Variants in RNF115 observed in about 807,000 individuals in gnomAD.
The protein encoded by RNF115 is ring finger protein 115, also known as E3 ubiquitin-protein ligase RNF115.
In RNF115, 31 loss-of-function variants were observed where a neutral mutation model predicts 39.2. That is an observed-to-expected ratio of 0.79 (90% CI 0.59 to 1.07). The LOEUF is 1.07. Ranked by LOEUF, RNF115 falls within the 50% of genes least tolerant of loss-of-function variation. The pLI, the probability that RNF115 is intolerant of heterozygous loss-of-function variation, is 0.00. For synonymous variants in RNF115, 124 were observed against 131.0 expected, an observed-to-expected ratio of 0.95 and a Z score of 0.37; for missense variants, 384 against 381.7, an observed-to-expected ratio of 1.01 and a Z score of -0.05.
intron 4 of RNF115, among the ~76,000 whole-genome samples, chr1:145,759,784 C>T (rs1553713627): frequency 6.6e-6 from 1 of 152,174 alleles, no homozygotes; most frequent in African/African-American, 2.4e-5. Context: ...CCCACCTCCC[C>T]ATTCCCACTC....
intron 1 of RNF115, among the ~76,000 whole-genome samples, chr1:145,797,464 A>G (rs782295111): frequency 6.6e-6 from 1 of 152,224 alleles, no homozygotes; most frequent in Non-Finnish European, 1.5e-5. Context: ...AGGTTCACCC[A>G]CACTGTCGCA....
At chr1:145,785,164 C>A (rs1448769148) in intron 2 of RNF115, among the ~76,000 whole-genome samples, 3 of 152,118 alleles carry the variant, frequency 2.0e-5, no homozygotes, top group African/African-American at 7.2e-5. Flanking sequence ...AAATAAGACT[C>A]TTCCACACCC....
intron 1 of RNF115, among the ~76,000 whole-genome samples, chr1:145,794,907 C>G (rs1648888740): frequency 6.7e-6 from 1 of 149,668 alleles, no homozygotes; most frequent in Admixed American, 6.8e-5. Context: ...GTCCCAGCTA[C>G]TGGGAAGGCT....
chr1:145,802,763 T>A (rs1649304860), intron 1 of RNF115, among the ~76,000 whole-genome samples: 1 of 152,182 alleles, frequency 6.6e-6, no homozygotes, highest in Admixed American at 6.5e-5. Context: ...TCTTTGAGTA[T>A]CACATGGCAA....
intron 2 of RNF115, 39 bp from the exon 3 acceptor site, chr1:145,784,635 G>C (rs781799982): frequency 2.5e-6 from 4 of 1,585,268 alleles, no homozygotes; most frequent in Non-Finnish European, 3.5e-6. Context: ...CTATTCCCAG[G>C]AACAAGCTCC....
intron 1 of RNF115, among the ~76,000 whole-genome samples, chr1:145,819,744 A>G (rs1272678927): frequency 2.6e-5 from 4 of 152,184 alleles, no homozygotes; most frequent in Non-Finnish European, 5.9e-5. Flanking sequence ...CAGCACATTA[A>G]AAAGCTAATG....
chr1:145,795,268 C>T (rs1648918137), intron 1 of RNF115, among the ~76,000 whole-genome samples: 1 of 152,166 alleles, frequency 6.6e-6, no homozygotes, highest in East Asian at 1.9e-4. Context: ...TGTTACAGCT[C>T]ATAAAAGTAG....
chr1:145,752,745 G>A (rs782770865), intron 5 of RNF115, among the ~76,000 whole-genome samples: 1 of 151,714 alleles, frequency 6.6e-6, no homozygotes, highest in Non-Finnish European at 1.5e-5. Flanking sequence ...ATGCCACCAC[G>A]CCTGGCTAAT....
intron 4 of RNF115, among the ~76,000 whole-genome samples, chr1:145,754,351 G>GTTTTT (rs57910583): frequency 6.6e-6 from 1 of 150,444 alleles, no homozygotes. Flanking sequence ...AACACTGGTT[G>GTTTTT]TTTTTTTTTT....
chr1:145,751,032 T>C (rs1336668883), intron 6 of RNF115, among the ~76,000 whole-genome samples: 1 of 152,182 alleles, frequency 6.6e-6, no homozygotes, highest in Non-Finnish European at 1.5e-5. Context: ...ATACATGGCA[T>C]GGGAATACTT....
intron 2 of RNF115, among the ~76,000 whole-genome samples, chr1:145,787,947 A>C (rs1265051860): frequency 1.3e-5 from 2 of 152,188 alleles, no homozygotes; most frequent in African/African-American, 4.8e-5. Context: ...CAAAAAAGGA[A>C]TATGTAATAG....
At chr1:145,763,993 C>A (rs1316488047) in intron 4 of RNF115, among the ~76,000 whole-genome samples, 5 of 149,774 alleles carry the variant, frequency 3.3e-5, no homozygotes, top group Non-Finnish European at 5.9e-5. Flanking sequence ...GCTGCCATCT[C>A]GGCTCACTGC....
intron 3 of RNF115, among the ~76,000 whole-genome samples, chr1:145,779,072 G>A (rs1448372470): frequency 6.6e-6 from 1 of 152,148 alleles, no homozygotes; most frequent in Non-Finnish European, 1.5e-5. Flanking sequence ...CTCAGGTAAA[G>A]GAAGTATGAT....
At chr1:145,755,803 C>T (rs1380134094) in intron 4 of RNF115, among the ~76,000 whole-genome samples, 4 of 151,944 alleles carry the variant, frequency 2.6e-5, no homozygotes, top group Non-Finnish European at 4.4e-5. Context: ...CAGAAAAAAT[C>T]TGATTAGAAA....
intron 1 of RNF115, among the ~76,000 whole-genome samples, chr1:145,806,076 A>T (rs1408725078): frequency 3.3e-5 from 5 of 152,198 alleles, no homozygotes; most frequent in African/African-American, 1.2e-4. Flanking sequence ...GTCCAGGCAC[A>T]GTGGCTCACG....
chr1:145,790,804 A>G (rs1648630243), intron 1 of RNF115, among the ~76,000 whole-genome samples: 1 of 152,146 alleles, frequency 6.6e-6, no homozygotes, highest in African/African-American at 2.4e-5. Flanking sequence ...CACTATATAC[A>G]TATCAACGCA....
At position 145,746,845 on chromosome 1, in the gene RNF115, A is replaced by T; in HGVS notation, c.*21T>A. On this transcript the variant is annotated 3_prime_UTR_variant, in exon 9 of 9. Coordinates refer to ENST00000582693, the MANE Select transcript of RNF115 (RefSeq NM_014455.4). ...TGGTAAGATGATTACCACAGCCCTG[A>T]TTCAGGTGTGGTCTTTAGCTTCAGA... The T allele has an allele frequency of 6.2e-7, 1 of 1,612,730 alleles. No individual in the cohort carries two copies. The highest frequency in any genetic ancestry group is 8.5e-7 in the Non-Finnish European group (1 of 1,179,060).
chr1:145,769,002 T>C (rs1253892130), intron 4 of RNF115, among the ~76,000 whole-genome samples: 1 of 152,202 alleles, frequency 6.6e-6, no homozygotes, highest in East Asian at 1.9e-4. Context: ...ACTGGTGCCT[T>C]GGAAGGAAAG....
Position 145,741,457 on chromosome 1 carries a change from T to C in RNF115, c.*5409A>G, listed in dbSNP as rs1200063525. ...TGGAAAGCATCACCAGCTGTATACA[T>C]TGTATTCTATGCATTCTATTTTAAA... On this transcript the variant is annotated 3_prime_UTR_variant, in exon 9 of 9. Coordinates refer to ENST00000582693, the MANE Select transcript of RNF115 (RefSeq NM_014455.4). The C allele has an allele frequency of 6.6e-6, 1 of 152,212 alleles. No individual in the cohort carries two copies. Among genetic ancestry groups the C allele is most frequent in the Non-Finnish European group, 1.5e-5 (1 of 68,032 alleles). 9.4% of individuals were successfully genotyped at this position (152,212 alleles called of 1,614,324 possible). A position where few individuals can be genotyped will look rare whatever the true frequency, so the allele number is the denominator to read the frequency against.
Sources: allele counts gnomAD v4.1 joint callset (sites outside exome capture counted in the v4.1 genomes callset), GRCh38; gene constraint gnomAD v4.1.1; transcripts MANE v1.5; gene names NCBI Gene and HGNC (gene_info 2026-07-23, HGNC 2026-07-21).